FSHR: variants seen among roughly 807,000 people sequenced by gnomAD.
FSHR encodes the protein follicle-stimulating hormone receptor.
FSHR carries 46 observed loss-of-function variants against 52.1 expected under a neutral mutation model. That is an observed-to-expected ratio of 0.88 (90% CI 0.70 to 1.13). The LOEUF (loss-of-function observed/expected upper bound fraction) is 1.13, where lower values mean the gene tolerates loss of function less well. Among genes scored for constraint, FSHR ranks in the 50% most tolerant of loss-of-function variants. The pLI is 0.00. For missense variants in FSHR, 964 were observed against 834.6 expected, an observed-to-expected ratio of 1.16 and a Z score of -1.91; for synonymous variants, 399 against 309.6, an observed-to-expected ratio of 1.29 and a Z score of -3.03.
chr2:49,093,595 CTT>C (rs375094387), intron 1 of FSHR, among the ~76,000 whole-genome samples: 4 of 132,932 alleles, frequency 3.0e-5, no homozygotes, highest in African/African-American at 2.8e-5. Flanking sequence ...TTATATTTAT[CTT>C]TTTTTTTTTT....
Position 49,088,096 on chromosome 2 carries a change from T to A in FSHR, c.153-19806A>T, listed in dbSNP as rs567830016. On this transcript the variant is annotated intron_variant, in intron 1 of 9. Coordinates refer to ENST00000406846, the MANE Select transcript of FSHR (RefSeq NM_000145.4). ...GGGCCCTGAGCTGAGCATGGTTTATTTACTTGATCAAGGACACAGTTAGAA... is the reference window on the plus strand; with the variant it reads ...GGGCCCTGAGCTGAGCATGGTTTATATACTTGATCAAGGACACAGTTAGAA... Among the ~76,000 whole-genome samples the A allele has an allele frequency of 3.9e-5, 6 of 152,292 alleles. No homozygotes were observed. In the South Asian group the frequency reaches 1.2e-3, roughly 32 times the overall value.
intron 1 of FSHR, among the ~76,000 whole-genome samples, chr2:49,097,215 G>T (rs1267558172): frequency 6.6e-6 from 1 of 152,050 alleles, no homozygotes; most frequent in Non-Finnish European, 1.5e-5. Flanking sequence ...CCATCAGTTT[G>T]ATTGTGTTGT....
At chr2:49,028,933 C>G (rs769888420) in intron 2 of FSHR, among the ~76,000 whole-genome samples, 22 of 152,190 alleles carry the variant, frequency 1.4e-4, no homozygotes, top group Non-Finnish European at 3.2e-4. Context: ...GTCATCTGTC[C>G]TACTCTAATA....
At chr2:49,123,719 A>G (rs1423318189) in intron 1 of FSHR, among the ~76,000 whole-genome samples, 1 of 152,186 alleles carries the variant, frequency 6.6e-6, no homozygotes, top group African/African-American at 2.4e-5. Context: ...AGAGACTTCC[A>G]TTCAGTGTTT....
At chr2:48,981,337 C>A (rs1393554895) in intron 8 of FSHR, among the ~76,000 whole-genome samples, 2 of 152,132 alleles carry the variant, frequency 1.3e-5, no homozygotes, top group Admixed American at 6.5e-5. Flanking sequence ...TTGTTTCCTG[C>A]ATGGCACAAG....
intron 2 of FSHR, among the ~76,000 whole-genome samples, chr2:49,066,688 C>T (rs1024618660): frequency 3.3e-5 from 5 of 152,086 alleles, no homozygotes; most frequent in African/African-American, 1.2e-4. Context: ...GATATGTCAG[C>T]TCAGCTCAAC....
chr2:49,014,035 C>A (rs1667394455), intron 4 of FSHR, among the ~76,000 whole-genome samples: 1 of 152,030 alleles, frequency 6.6e-6, no homozygotes, highest in East Asian at 1.9e-4. Context: ...GAAGAGGGCC[C>A]TTACCAAGAA....
chr2:48,981,604 G>A (rs1321095809), intron 8 of FSHR, among the ~76,000 whole-genome samples: 1 of 152,144 alleles, frequency 6.6e-6, no homozygotes, highest in African/African-American at 2.4e-5. Flanking sequence ...TTTGAACATG[G>A]TCAGGATGAT....
chr2:49,146,837 G>A (rs1284138333), intron 1 of FSHR, among the ~76,000 whole-genome samples: 3 of 151,924 alleles, frequency 2.0e-5, no homozygotes, highest in Non-Finnish European at 2.9e-5. Context: ...AAACTTTTGA[G>A]GTCCCTATTT....
chr2:49,069,594 T>G (rs1669653628), intron 1 of FSHR, among the ~76,000 whole-genome samples: 1 of 152,136 alleles, frequency 6.6e-6, no homozygotes, highest in Admixed American at 6.6e-5. Context: ...TTGTTATGAT[T>G]GTATACCAAA....
intron 2 of FSHR, among the ~76,000 whole-genome samples, chr2:49,036,821 G>T (rs892181373): frequency 1.3e-5 from 2 of 152,218 alleles, no homozygotes; most frequent in African/African-American, 4.8e-5. Flanking sequence ...TGACATGGAA[G>T]TCTGAGACAA....
chr2:49,107,815 T>A (rs188472442), intron 1 of FSHR, among the ~76,000 whole-genome samples: 1 of 152,176 alleles, frequency 6.6e-6, no homozygotes, highest in Non-Finnish European at 1.5e-5. Flanking sequence ...ACAGCAGAGA[T>A]GAAGTTTGGA....
intron 4 of FSHR, among the ~76,000 whole-genome samples, chr2:49,012,447 G>C (rs367659461): frequency 6.6e-6 from 1 of 151,984 alleles, no homozygotes; most frequent in Non-Finnish European, 1.5e-5. Context: ...CCTCAGTGAA[G>C]CATGAAGGCA....
chr2:48,969,318 C>T (rs1396968998), intron 8 of FSHR, among the ~76,000 whole-genome samples: 6 of 152,216 alleles, frequency 3.9e-5, no homozygotes, highest in African/African-American at 1.4e-4. Context: ...GGCCAAATTT[C>T]AGAAAAAGGG....
intron 9 of FSHR, 88 bp downstream of exon 9, chr2:48,968,610 A>T: frequency 1.4e-6 from 2 of 1,479,686 alleles, no homozygotes; most frequent in East Asian, 2.3e-5. Context: ...CTGCAAGTAG[A>T]TTCTCTTCAT....
At chr2:49,035,780 C>T (rs909588985) in intron 2 of FSHR, among the ~76,000 whole-genome samples, 1 of 152,174 alleles carries the variant, frequency 6.6e-6, no homozygotes, top group South Asian at 2.1e-4. Flanking sequence ...CAGGCAACAG[C>T]TTTGCATTTA....
intron 4 of FSHR, among the ~76,000 whole-genome samples, chr2:49,000,254 T>G (rs1676197259): frequency 6.6e-6 from 1 of 152,132 alleles, no homozygotes; most frequent in African/African-American, 2.4e-5. Context: ...AAGGTCAGTT[T>G]CCTACCCCTA....
intron 1 of FSHR, among the ~76,000 whole-genome samples, chr2:49,088,344 G>A (rs76292855): frequency 0.018 from 2,697 of 152,306 alleles, 32 homozygotes; most frequent in Non-Finnish European, 0.027. Context: ...GTCATGCGAG[G>A]TTGTGCTGGG....
chr2:49,067,581 A>C (rs1669555050), intron 2 of FSHR, among the ~76,000 whole-genome samples: 2 of 152,048 alleles, frequency 1.3e-5, no homozygotes, highest in South Asian at 4.2e-4. Flanking sequence ...AAAGGGAGGG[A>C]GGATTACTTT....
Sources: gnomAD v4.1 joint callset for allele counts (sites outside exome capture counted in the v4.1 genomes callset) on GRCh38, gnomAD v4.1.1 for gene constraint, MANE v1.5 for transcripts, NCBI Gene and HGNC (gene_info 2026-07-23, HGNC 2026-07-21) for gene names.